C1orf50: variants seen among roughly 807,000 people sequenced by gnomAD.
C1orf50 encodes the protein uncharacterized protein C1orf50.
C1orf50 carries 22 observed loss-of-function variants against 23.3 expected under a neutral mutation model. The observed-to-expected ratio is 0.94, with a 90% CI of 0.67 to 1.35. The LOEUF is 1.35. C1orf50 is among the 40% of genes most tolerant of loss of function. The pLI, the probability that C1orf50 is intolerant of heterozygous loss-of-function variation, is 0.00. For synonymous variants in C1orf50, 96 were observed against 102.4 expected (o/e 0.94, Z 0.38); for missense variants, 271 against 249.4 (o/e 1.09, Z -0.58).
rs1653360633 is a variant in C1orf50, at chr1:42,777,350, TC to T, written c.*1959del. ...ACCTCATGATCCACCTGCCTCAGCC[TC>T]CCACAGTGCTGGCGTTTGAGCCACC... On this transcript the variant is annotated 3_prime_UTR_variant, in exon 5 of 5. Transcript: ENST00000372525. 1 of 152,242 alleles carries T rather than the reference TC, an allele frequency of 6.6e-6. No individual in the cohort carries two copies. Among genetic ancestry groups the T allele is most frequent in the African/African-American group, 2.4e-5 (1 of 41,450 alleles). The allele number at this position is 152,242 out of a possible 1,614,324, so 9.4% of individuals were successfully genotyped here. A position where few individuals can be genotyped will look rare whatever the true frequency, so the allele number is the denominator to read the frequency against.
intron 2 of C1orf50, among the ~76,000 whole-genome samples, chr1:42,771,873 G>T (rs1653230130): frequency 6.6e-6 from 1 of 151,884 alleles, no homozygotes; most frequent in East Asian, 1.9e-4. Context: ...AGCTACTCAG[G>T]AGGCTGAGGT....
intron 3 of C1orf50, among the ~76,000 whole-genome samples, chr1:42,774,418 A>G (rs1000144610): frequency 6.6e-6 from 1 of 151,848 alleles, no homozygotes; most frequent in African/African-American, 2.4e-5. Context: ...TAGTAGAGAC[A>G]GGGTTTTGCC....
chr1:42,771,987 A>G (rs1237492628), intron 2 of C1orf50, among the ~76,000 whole-genome samples: 2 of 152,170 alleles, frequency 1.3e-5, no homozygotes, highest in African/African-American at 4.8e-5. Context: ...AAAAAAAAAA[A>G]AAAAGTATTG....
At position 42,775,922 on chromosome 1, in the gene C1orf50, C is replaced by T. The variant is rs1653332019; in HGVS notation, c.*528C>T. On this transcript the variant is annotated 3_prime_UTR_variant, in exon 5 of 5. Transcript: ENST00000372525. The stretch of plus-strand genomic sequence containing the variant: ...AACAACAACAACAAAAAAAAAAACA[C>T]TTGGCTTGGCTGGACCAGAGAGTGT... 6.8e-6 allele frequency: 1 copy of T among 147,468 alleles called. No homozygotes were observed. Among genetic ancestry groups the T allele is most frequent in the Non-Finnish European group, 1.5e-5 (1 of 67,778 alleles). 9.1% of individuals were successfully genotyped at this position (147,468 alleles called of 1,614,324 possible).
chr1:42,772,998 CA>C (rs1397155792), intron 2 of C1orf50, among the ~76,000 whole-genome samples: 4 of 152,138 alleles, frequency 2.6e-5, no homozygotes, highest in Admixed American at 6.5e-5. Flanking sequence ...TTTCTCAGTT[CA>C]GGGGGTGTGG....
chr1:42,771,428 T>C (rs1342348703), intron 2 of C1orf50, among the ~76,000 whole-genome samples: 1 of 152,208 alleles, frequency 6.6e-6, no homozygotes, highest in Admixed American at 6.5e-5. Flanking sequence ...ATCAACTTTT[T>C]CACATATAAA....
chr1:42,779,020 C>T lies in C1orf50; in HGVS notation c.*3626C>T, dbSNP rs999752546. 8.0e-6 allele frequency: 1 copy of T among 124,598 alleles called. No homozygotes were observed. The highest frequency in any genetic ancestry group is 2.9e-5 in the African/African-American group (1 of 34,158). 7.7% of individuals were successfully genotyped at this position (124,598 alleles called of 1,614,324 possible). A position where few individuals can be genotyped will look rare whatever the true frequency, so the allele number is the denominator to read the frequency against. On this transcript the variant is annotated 3_prime_UTR_variant, in exon 5 of 5. Coordinates refer to ENST00000372525, the MANE Select transcript of C1orf50 (RefSeq NM_024097.4). ...TTTTGGTGTCTGTCAAACTTGGACA[C>T]TTCTAAAAGTCAATGGCATGTCACA...
intron 2 of C1orf50, among the ~76,000 whole-genome samples, chr1:42,770,916 T>C (rs1653204256): frequency 6.6e-6 from 1 of 152,180 alleles, no homozygotes; most frequent in South Asian, 2.1e-4. Context: ...GGTCCTCTCC[T>C]TTCATTTAGA....
chr1:42,770,255 A>T (rs544011658), intron 2 of C1orf50, among the ~76,000 whole-genome samples: 5 of 152,044 alleles, frequency 3.3e-5, no homozygotes, highest in Non-Finnish European at 7.4e-5. Flanking sequence ...AGACTAATCC[A>T]TATTTTGCAT....
At chr1:42,768,447 T>C (rs1653136598) in intron 2 of C1orf50, among the ~76,000 whole-genome samples, 1 of 152,264 alleles carries the variant, frequency 6.6e-6, no homozygotes, top group Non-Finnish European at 1.5e-5. Context: ...GTATACACTA[T>C]CAGATTTGGC....
Position 42,775,505 on chromosome 1 carries a change from AAG to A in C1orf50, c.*115_*116del. ...GTAGGTGACTCACAAACTTCTTGGA[AAG>A]AGACCCTGTGTGAATGTAAATGCTG... On this transcript the variant is annotated 3_prime_UTR_variant, in exon 5 of 5. Coordinates refer to ENST00000372525, the MANE Select transcript of C1orf50 (RefSeq NM_024097.4). 1.1e-6 allele frequency: 1 copy of A among 919,124 alleles called. No individual in the cohort carries two copies. Among genetic ancestry groups the A allele is most frequent in the Non-Finnish European group, 1.6e-6 (1 of 624,490 alleles). 56.9% of individuals were successfully genotyped at this position (919,124 alleles called of 1,614,324 possible).
chr1:42,774,602 T>C (rs1653294726), intron 3 of C1orf50, 135 bp from the exon 4 acceptor site: 1 of 956,736 alleles, frequency 1.0e-6, no homozygotes, highest in Non-Finnish European at 1.5e-6. Flanking sequence ...AATCTGGATC[T>C]CAGAAGTGAT....
rs143868827 is a variant in C1orf50, at chr1:42,769,061, C to T, written c.195+1437C>T. Among the ~76,000 whole-genome samples, 87 of 151,566 alleles carry T rather than the reference C, an allele frequency of 5.7e-4. 1 individual carries two copies. Among genetic ancestry groups the T allele is most frequent in the African/African-American group, 2.0e-3 (84 of 41,328 alleles). On this transcript the variant is annotated intron_variant, in intron 2 of 4. Transcript: ENST00000372525. ...GGTGGATCATTTGAAGTCAGGAGTTCGAGACCAGTCTGGCCAACATGGTGA... is the reference window on the plus strand; with the variant it reads ...GGTGGATCATTTGAAGTCAGGAGTTTGAGACCAGTCTGGCCAACATGGTGA...
rs541164903 is a variant in C1orf50 at position 42,777,674 on chromosome 1, T to C, written c.*2280T>C. The C allele has an allele frequency of 5.2e-4, 79 of 152,294 alleles. No individual in the cohort carries two copies. Among genetic ancestry groups the C allele is most frequent in the African/African-American group, 1.8e-3 (74 of 41,564 alleles). The allele number at this position is 152,294 out of a possible 1,614,324, so 9.4% of individuals were successfully genotyped here. Reference sequence around the variant, plus strand: ...GGAGGGAGTTATACAAAGGCATGTATACCAGAAGGCAGACATCATTGAATC... The same window carrying C: ...GGAGGGAGTTATACAAAGGCATGTACACCAGAAGGCAGACATCATTGAATC... On this transcript the variant is annotated 3_prime_UTR_variant, in exon 5 of 5. Transcript: ENST00000372525.
rs371711865 is a variant in C1orf50, at chr1:42,775,433, G to A, written c.*39G>A. On this transcript the variant is annotated 3_prime_UTR_variant, in exon 5 of 5. Transcript: ENST00000372525. ...CAAACAGCTCTCACAGGACCTGGCT[G>A]TCAACCTCCTTGTTGCCCCCACTGT... 2.0e-6 allele frequency: 3 copies of A among 1,522,740 alleles called. No homozygotes were observed. The highest frequency in any genetic ancestry group is 1.8e-5 in the Admixed American group (1 of 56,828). The allele number at this position is 1,522,740 out of a possible 1,614,324, so 94.3% of individuals were successfully genotyped here.
At chr1:42,768,301 C>A (rs1371408554) in intron 2 of C1orf50, among the ~76,000 whole-genome samples, 1 of 152,218 alleles carries the variant, frequency 6.6e-6, no homozygotes, top group Admixed American at 6.5e-5. Flanking sequence ...GCTCCAAGAT[C>A]TAAAGTTTTG....
At position 42,778,022 on chromosome 1, in the gene C1orf50, A is replaced by G. The variant is rs2124197378; in HGVS notation, c.*2628A>G. ...GAGAGAAACTGCCTTCTGTTCAGTAAGATGTACTCCCTGCACTGACCACCA... is the reference window on the plus strand; with the variant it reads ...GAGAGAAACTGCCTTCTGTTCAGTAGGATGTACTCCCTGCACTGACCACCA... On this transcript the variant is annotated 3_prime_UTR_variant, in exon 5 of 5. Transcript: ENST00000372525. 1 of 152,192 alleles carries G rather than the reference A, an allele frequency of 6.6e-6. No individual in the cohort carries two copies. Among genetic ancestry groups the G allele is most frequent in the East Asian group, 1.9e-4 (1 of 5,146 alleles). The allele number at this position is 152,192 out of a possible 1,614,324, so 9.4% of individuals were successfully genotyped here.
chr1:42,769,196 C>T (rs188659209), intron 2 of C1orf50, among the ~76,000 whole-genome samples: 223 of 150,128 alleles, frequency 1.5e-3, no homozygotes, highest in African/African-American at 4.9e-3. Context: ...TGCAGTGAGC[C>T]GAGATCGCAC....
Position 42,767,290 on chromosome 1 carries a change from G to C in C1orf50, c.-22G>C. ...TCTTCCTACTCGCACAGCCCAGGGA[G>C]TGGGGAGGATAAGGCGCTGTCATGG... is the stretch of plus-strand genomic sequence containing the variant. On this transcript the variant is annotated 5_prime_UTR_variant, in exon 1 of 5. Coordinates refer to ENST00000372525, the MANE Select transcript of C1orf50 (RefSeq NM_024097.4). 1.3e-6 allele frequency: 2 copies of C among 1,489,560 alleles called. No individual in the cohort carries two copies. The highest frequency in any genetic ancestry group is 2.7e-5 in the Admixed American group (1 of 36,990). The allele number at this position is 1,489,560 out of a possible 1,614,324, so 92.3% of individuals were successfully genotyped here.
Sources: allele counts gnomAD v4.1 joint callset (sites outside exome capture counted in the v4.1 genomes callset), GRCh38; gene constraint gnomAD v4.1.1; transcripts MANE v1.5; gene names NCBI Gene and HGNC (gene_info 2026-07-23, HGNC 2026-07-21).